The following FHIT variants were observed in gnomAD, a reference collection of about 807,000 sequenced individuals.
FHIT encodes the protein bis(5'-adenosyl)-triphosphatase.
Under a neutral mutation model 17.9 loss-of-function variants are expected in FHIT, and 19 were observed. The observed-to-expected ratio is 1.06, with a 90% CI of 0.74 to 1.56. The LOEUF (loss-of-function observed/expected upper bound fraction) is 1.56. Ranked by LOEUF, FHIT falls within the 40% of genes most tolerant of loss-of-function variation. FHIT has a pLI of 0.00. For synonymous variants in FHIT, 81 were observed against 69.7 expected, an observed-to-expected ratio of 1.16 and a Z score of -0.81; for missense variants, 248 against 189.2, an observed-to-expected ratio of 1.31 and a Z score of -1.82.
chr3:60,980,048 C>T (rs2107550879), intron 3 of FHIT, among the ~76,000 whole-genome samples: 2 of 152,294 alleles, frequency 1.3e-5, no homozygotes, highest in Admixed American at 1.3e-4. Flanking sequence ...ACAGAGTTAT[C>T]TCAAATTCAT....
intron 8 of FHIT, among the ~76,000 whole-genome samples, chr3:59,822,146 C>A (rs529171475): frequency 6.6e-6 from 1 of 152,138 alleles, no homozygotes; most frequent in African/African-American, 2.4e-5. Flanking sequence ...TTTTTATAGC[C>A]AAGCAGTATT....
At chr3:61,132,380 T>G (rs944609189) in intron 2 of FHIT, among the ~76,000 whole-genome samples, 1 of 152,214 alleles carries the variant, frequency 6.6e-6, no homozygotes, top group Non-Finnish European at 1.5e-5. Flanking sequence ...AAATATTTAC[T>G]GAACACCTGC....
intron 5 of FHIT, among the ~76,000 whole-genome samples, chr3:60,443,652 A>T (rs1048831104): frequency 2.0e-5 from 3 of 151,986 alleles, no homozygotes; most frequent in African/African-American, 7.2e-5. Flanking sequence ...AAGCTTTTTG[A>T]TGTGCTGCTG....
intron 3 of FHIT, chr3:60,912,739 C>G (rs1559823236): frequency 1.9e-6 from 1 of 516,264 alleles, no homozygotes; most frequent in Non-Finnish European, 3.9e-6. Flanking sequence ...ATTAGTTCCC[C>G]CATATATTTA....
intron 5 of FHIT, among the ~76,000 whole-genome samples, chr3:60,405,424 C>T (rs1311312713): frequency 6.6e-6 from 1 of 152,210 alleles, no homozygotes; most frequent in East Asian, 1.9e-4. Context: ...GTAGGGGGAC[C>T]ACCCGCATGA....
intron 4 of FHIT, among the ~76,000 whole-genome samples, chr3:60,631,744 TC>T (rs1486205970): frequency 2.0e-5 from 3 of 152,168 alleles, no homozygotes; most frequent in Non-Finnish European, 4.4e-5. Flanking sequence ...TCGCACGGCA[TC>T]CCCAGATAAT....
chr3:60,102,050 T>C (rs1396092358), intron 5 of FHIT, among the ~76,000 whole-genome samples: 1 of 152,238 alleles, frequency 6.6e-6, no homozygotes, highest in African/African-American at 2.4e-5. Flanking sequence ...GGCAACAATC[T>C]GTCAGAAAAG....
chr3:60,234,753 C>G (rs1038888466), intron 5 of FHIT, among the ~76,000 whole-genome samples: 1 of 152,128 alleles, frequency 6.6e-6, no homozygotes, highest in African/African-American at 2.4e-5. Context: ...AAGATCCAAA[C>G]TGAGTTTACA....
chr3:61,070,944 T>C (rs985136202), intron 2 of FHIT, among the ~76,000 whole-genome samples: 10 of 152,346 alleles, frequency 6.6e-5, no homozygotes, highest in Admixed American at 3.3e-4. Flanking sequence ...TATTTATTTA[T>C]GAACCAAATA....
intron 5 of FHIT, among the ~76,000 whole-genome samples, chr3:60,237,572 C>A (rs1350015255): frequency 6.6e-6 from 1 of 152,090 alleles, no homozygotes; most frequent in African/African-American, 2.4e-5. Flanking sequence ...AACTTTTATT[C>A]CTGTTTTATG....
intron 5 of FHIT, among the ~76,000 whole-genome samples, chr3:60,151,547 T>C (rs541213224): frequency 5.3e-5 from 8 of 152,270 alleles, no homozygotes; most frequent in African/African-American, 1.9e-4. Context: ...TTGCAAAATC[T>C]GTACCGTGAC....
At position 60,763,287 on chromosome 3, in the gene FHIT, T is replaced by C. The variant is rs1055799757; in HGVS notation, c.-18+58632A>G. Among the ~76,000 whole-genome samples, 3 of 152,200 alleles carry C rather than the reference T, an allele frequency of 2.0e-5. No homozygotes were observed. In the East Asian group the frequency reaches 5.8e-4, roughly 29 times the overall value. ...ATTCACGACTGTAAGTCTGTTATGATTGTATTCACTTAAAATAATAATATT... is the reference window on the plus strand; with the variant it reads ...ATTCACGACTGTAAGTCTGTTATGACTGTATTCACTTAAAATAATAATATT... On this transcript the variant is annotated intron_variant, in intron 4 of 9. Transcript: ENST00000492590.
chr3:61,048,378 T>C (rs1256794477), intron 2 of FHIT, among the ~76,000 whole-genome samples: 1 of 152,076 alleles, frequency 6.6e-6, no homozygotes, highest in African/African-American at 2.4e-5. Flanking sequence ...CATGAAAAAA[T>C]GCTCATCATC....
intron 3 of FHIT, among the ~76,000 whole-genome samples, chr3:60,888,939 T>C (rs1208072861): frequency 1.3e-5 from 2 of 152,222 alleles, no homozygotes; most frequent in African/African-American, 4.8e-5. Context: ...ATATAAGTTC[T>C]AAATTTCTCA....
intron 7 of FHIT, among the ~76,000 whole-genome samples, chr3:59,950,611 C>T (rs1054351019): frequency 1.2e-4 from 18 of 152,096 alleles, no homozygotes; most frequent in African/African-American, 4.3e-4. Flanking sequence ...TCCTGCTTTT[C>T]CTACTACTCT....
At chr3:60,330,622 C>G (rs1488302397) in intron 5 of FHIT, among the ~76,000 whole-genome samples, 2 of 152,124 alleles carry the variant, frequency 1.3e-5, no homozygotes, top group African/African-American at 4.8e-5. Context: ...AACACCAAAC[C>G]CGTTTCTAGA....
intron 5 of FHIT, among the ~76,000 whole-genome samples, chr3:60,282,071 T>C (rs1365416125): frequency 2.6e-5 from 4 of 152,126 alleles, no homozygotes; most frequent in South Asian, 2.1e-4. Flanking sequence ...AATGGTAAAA[T>C]GGTATAGCCA....
intron 4 of FHIT, among the ~76,000 whole-genome samples, chr3:60,755,786 G>A (rs1177075944): frequency 1.3e-5 from 2 of 152,180 alleles, no homozygotes; most frequent in African/African-American, 2.4e-5. Context: ...GGAACAATGA[G>A]CCAGACTCTG....
At chr3:60,576,489 C>T (rs1319147665) in intron 4 of FHIT, among the ~76,000 whole-genome samples, 2 of 152,034 alleles carry the variant, frequency 1.3e-5, no homozygotes, top group African/African-American at 4.8e-5. Flanking sequence ...TTCTTTGCCC[C>T]GAGTCCTTGG....
Sources: allele counts gnomAD v4.1 joint callset (sites outside exome capture counted in the v4.1 genomes callset), GRCh38; gene constraint gnomAD v4.1.1; transcripts MANE v1.5; gene names NCBI Gene and HGNC (gene_info 2026-07-23, HGNC 2026-07-21).